WDFY3: variants seen among roughly 807,000 people sequenced by gnomAD.
WDFY3 encodes the protein WD repeat and FYVE domain containing 3, also known as WD repeat and FYVE domain-containing protein 3.
Under a neutral mutation model 409.6 loss-of-function variants are expected in WDFY3, and 66 were observed. The observed-to-expected ratio is 0.16, with a 90% CI of 0.13 to 0.20. The LOEUF (loss-of-function observed/expected upper bound fraction) is 0.20. Among genes scored for constraint, WDFY3 ranks in the 10% least tolerant of loss-of-function variants. The pLI is 1.00. For missense variants in WDFY3, 3,031 were observed against 4,298.1 expected (o/e 0.71, Z 8.24); for synonymous variants, 1,521 against 1,537.1 (o/e 0.99, Z 0.25).
At chr4:84,781,803 G>T (rs1445040693) in intron 25 of WDFY3, among the ~76,000 whole-genome samples, 3 of 151,950 alleles carry the variant, frequency 2.0e-5, no homozygotes, top group Non-Finnish European at 4.4e-5. Context: ...AGTATTTTTT[G>T]AATAAAAGAA....
intron 61 of WDFY3, 55 bp from the exon 62 acceptor site, chr4:84,688,320 C>T: frequency 1.3e-6 from 2 of 1,557,540 alleles, no homozygotes; most frequent in Admixed American, 1.8e-5. Context: ...CAGGGTTCCA[C>T]AGTGACTCCA....
intron 10 of WDFY3, among the ~76,000 whole-genome samples, chr4:84,824,150 AT>A (rs1339400671): frequency 1.3e-5 from 2 of 151,954 alleles, no homozygotes; most frequent in Admixed American, 1.3e-4. Context: ...TATTCTCCCC[AT>A]TTTCATGGTT....
chr4:84,675,126 T>A (rs1726053063), intron 67 of WDFY3, among the ~76,000 whole-genome samples: 1 of 151,936 alleles, frequency 6.6e-6, no homozygotes, highest in Admixed American at 6.6e-5. Context: ...TGGCTAATTT[T>A]TGTATTTTTA....
At position 84,740,323 on chromosome 4, in the gene WDFY3, C is replaced by T. The variant is rs775918953; in HGVS notation, c.6328G>A (p.Val2110Ile). Residue 2110 changes from valine to isoleucine, a missense_variant, in exon 39 of 68, where the codon GTT (valine) becomes ATT (isoleucine). This residue lies in a region of WDFY3 where 314 missense variants were observed against 397.4 expected (regional missense o/e 0.79). Coordinates refer to ENST00000295888, the MANE Select transcript of WDFY3 (RefSeq NM_014991.6). ...TCAAGCAGAGCTACTTGCTGAGGAACGGTTTTGTGTGCCCGTGAGAACTGG... is the reference window on the plus strand; with the variant it reads ...TCAAGCAGAGCTACTTGCTGAGGAATGGTTTTGTGTGCCCGTGAGAACTGG... ...LYQFSRAHKT[V>I]PQQVALLDSL... The T allele has an allele frequency of 7.1e-5, 115 of 1,613,884 alleles. 2 individuals carry two copies. In the East Asian group the frequency reaches 2.2e-3, roughly 30 times the overall value.
intron 3 of WDFY3, among the ~76,000 whole-genome samples, chr4:84,887,759 A>G (rs1397175684): frequency 1.3e-5 from 2 of 152,238 alleles, no homozygotes; most frequent in Non-Finnish European, 2.9e-5. Context: ...ATATAAGTCC[A>G]AATCCAGTAC....
At chr4:84,913,296 A>T (rs769158469) in intron 2 of WDFY3, among the ~76,000 whole-genome samples, 3 of 152,204 alleles carry the variant, frequency 2.0e-5, no homozygotes, top group Non-Finnish European at 2.9e-5. Context: ...AGAAGATGCC[A>T]TCATTGTTAC....
intron 34 of WDFY3, among the ~76,000 whole-genome samples, chr4:84,754,756 C>T: frequency 6.6e-6 from 1 of 151,992 alleles, no homozygotes; most frequent in East Asian, 1.9e-4. Context: ...TTTCTGACCT[C>T]TAAATGAAAG....
chr4:84,709,184 A>G (rs1732484150), intron 52 of WDFY3, 109 bp downstream of exon 52: 1 of 1,406,092 alleles, frequency 7.1e-7, no homozygotes, highest in Non-Finnish European at 9.7e-7. Flanking sequence ...TGAAAATAAA[A>G]CATTTTCTCT....
intron 23 of WDFY3, among the ~76,000 whole-genome samples, chr4:84,786,840 T>C (rs1747640828): frequency 6.6e-6 from 1 of 152,180 alleles, no homozygotes; most frequent in South Asian, 2.1e-4. Context: ...CCATCTAAAT[T>C]AAGAATGAGT....
intron 1 of WDFY3, among the ~76,000 whole-genome samples, chr4:84,953,620 T>G (rs1773889431): frequency 6.6e-6 from 1 of 152,120 alleles, no homozygotes; most frequent in African/African-American, 2.4e-5. Flanking sequence ...TATGATGACC[T>G]AGTTGTAAAA....
chr4:84,836,776 T>C (rs1756628662), intron 7 of WDFY3, among the ~76,000 whole-genome samples, 153 bp downstream of exon 7: 1 of 152,130 alleles, frequency 6.6e-6, no homozygotes, highest in African/African-American at 2.4e-5. Context: ...TTCTGCAGAT[T>C]CAAAAAATGT....
intron 21 of WDFY3, among the ~76,000 whole-genome samples, chr4:84,793,182 T>C (rs1339290340): frequency 3.9e-5 from 6 of 152,180 alleles, no homozygotes. Context: ...AGATGTAGGT[T>C]TTTTGTTTTT....
intron 2 of WDFY3, among the ~76,000 whole-genome samples, chr4:84,917,684 C>A (rs570300162): frequency 6.6e-6 from 1 of 151,188 alleles, no homozygotes; most frequent in African/African-American, 2.4e-5. Flanking sequence ...ACTCAAAATG[C>A]GAGGGCAATA....
intron 42 of WDFY3, among the ~76,000 whole-genome samples, chr4:84,735,629 A>G (rs958718939): frequency 6.6e-6 from 1 of 152,204 alleles, no homozygotes; most frequent in Non-Finnish European, 1.5e-5. Context: ...TATGCACACT[A>G]AACTCCATCT....
At chr4:84,724,146 A>G (rs1039802319) in intron 46 of WDFY3, among the ~76,000 whole-genome samples, 17 of 152,244 alleles carry the variant, frequency 1.1e-4, no homozygotes, top group Non-Finnish European at 1.2e-4. Context: ...TATGTGTATT[A>G]AAAAAACTAA....
chr4:84,811,958 A>G (rs983654513), intron 13 of WDFY3, among the ~76,000 whole-genome samples: 2 of 152,164 alleles, frequency 1.3e-5, no homozygotes, highest in African/African-American at 4.8e-5. Flanking sequence ...TGCTCATGCA[A>G]CTTTACCATC....
rs1740517579 is a variant in WDFY3, at chr4:84,751,541, T to C, written c.5915A>G (p.Asp1972Gly). ...VFDFMRVLIIDNLCLTPASKQ... is the reference protein window; with the variant it reads ...VFDFMRVLIIGNLCLTPASKQ... ...GCTGGCAGGAGTGAGACAGAGGTTG[T>C]CTATGATTAAGACCCGCATGAAGTC... Residue 1972 changes from aspartate (D) to glycine (G), a missense_variant, in exon 36 of 68, where the codon GAC becomes GGC. By Grantham distance (94) the Asp-to-Gly change is moderately conservative. Around this residue, in one of 16 missense-constraint regions of WDFY3, gnomAD observed 314 missense variants for 397.4 expected, o/e 0.79. Transcript: ENST00000295888. 6.2e-7 allele frequency: 1 copy of C among 1,614,194 alleles called. No homozygotes were observed. Among genetic ancestry groups the C allele is most frequent in the Admixed American group, 1.7e-5 (1 of 60,026 alleles).
chr4:84,934,174 G>A (rs1771120619), intron 1 of WDFY3, among the ~76,000 whole-genome samples: 1 of 151,974 alleles, frequency 6.6e-6, no homozygotes, highest in Admixed American at 6.6e-5. Context: ...CCACATCCTT[G>A]TCAGCATTTG....
intron 37 of WDFY3, among the ~76,000 whole-genome samples, chr4:84,743,389 A>C (rs2149244428): frequency 6.6e-6 from 1 of 152,318 alleles, no homozygotes; most frequent in South Asian, 2.1e-4. Context: ...ATTATGTGTA[A>C]GTATTGTACA....
Sources: allele counts gnomAD v4.1 joint callset (sites outside exome capture counted in the v4.1 genomes callset), GRCh38; gene constraint gnomAD v4.1.1; regional missense constraint gnomAD v4.1.1; transcripts MANE v1.5; gene names NCBI Gene and HGNC (gene_info 2026-07-23, HGNC 2026-07-21).